CUX2: variants seen among roughly 807,000 people sequenced by gnomAD.
CUX2 encodes cut like homeobox 2.
Under a neutral mutation model 144.8 loss-of-function variants are expected in CUX2, and 40 were observed. The ratio of observed to expected loss-of-function variants is 0.28; its 90% confidence interval spans 0.21 to 0.36. The LOEUF (loss-of-function observed/expected upper bound fraction) is 0.36, where lower values mean the gene tolerates loss of function less well. Among genes scored for constraint, CUX2 ranks in the 10% least tolerant of loss-of-function variants. CUX2 has a pLI of 1.00. For missense variants in CUX2, 1,615 were observed against 1,994.0 expected (o/e 0.81, Z 3.62); for synonymous variants, 827 against 875.6 (o/e 0.94, Z 0.98).
chr12:111,348,324 G>GA lies in CUX2; in HGVS notation c.*1dup. 1.2e-6 allele frequency: 2 copies of GA among 1,607,970 alleles called. No individual in the cohort carries two copies. The highest frequency in any genetic ancestry group is 1.7e-6 in the Non-Finnish European group (2 of 1,176,488). The part of the protein sequence containing the change: ...NREEALEWEF[*] ...GAGGAGGCCCTGGAGTGGGAGTTCT[G>GA]AAGGCAGGGTGAGGGGGCAAGGGAC... Residue 1487 remains the stop codon, a frameshift_variant and stop_retained_variant, in exon 22 of 22, where the codon TGA becomes TGAA. Transcript: ENST00000261726. LOFTEE classifies it high-confidence loss of function.
intron 9 of CUX2, among the ~76,000 whole-genome samples, chr12:111,300,951 T>A (rs1223824261): frequency 6.6e-6 from 1 of 150,438 alleles, no homozygotes; most frequent in Non-Finnish European, 1.5e-5. Flanking sequence ...GGTGGGACGA[T>A]CACCTGAGTC....
At chr12:111,180,530 G>C (rs866965531) in intron 1 of CUX2, among the ~76,000 whole-genome samples, 1 of 152,188 alleles carries the variant, frequency 6.6e-6, no homozygotes, top group Non-Finnish European at 1.5e-5. Context: ...CTTTGGATTC[G>C]TGTCAACATA....
chr12:111,211,945 A>G (rs1881258710), intron 1 of CUX2, among the ~76,000 whole-genome samples: 2 of 152,014 alleles, frequency 1.3e-5, no homozygotes, highest in South Asian at 4.1e-4. Context: ...CTGTAAACCC[A>G]TGTCCCAGTT....
At chr12:111,086,799 G>A (rs1275740447) in intron 1 of CUX2, among the ~76,000 whole-genome samples, 3 of 152,160 alleles carry the variant, frequency 2.0e-5, no homozygotes, top group Non-Finnish European at 4.4e-5. Flanking sequence ...GGGTGCAGTG[G>A]TGCATTCCTG....
At chr12:111,201,389 A>G (rs544493518) in intron 1 of CUX2, among the ~76,000 whole-genome samples, 1 of 151,612 alleles carries the variant, frequency 6.6e-6, no homozygotes, top group East Asian at 1.9e-4. Context: ...CAACTTCCCA[A>G]CCTAATCCCC....
intron 4 of CUX2, among the ~76,000 whole-genome samples, chr12:111,268,651 A>G (rs1302064537): frequency 1.3e-5 from 2 of 152,254 alleles, no homozygotes; most frequent in Admixed American, 6.5e-5. Context: ...GAGACAGCCC[A>G]TGTGTCTGCA....
At chr12:111,091,330 C>T (rs74564298) in intron 1 of CUX2, among the ~76,000 whole-genome samples, 3,699 of 152,278 alleles carry the variant, frequency 0.024, 155 homozygotes, top group African/African-American at 0.083. Context: ...GTGTATTTCC[C>T]GACTCAGCCG....
In CUX2 at chr12:111,186,011, A is replaced by C. The variant is rs1879505990; in HGVS notation, c.64-28189A>C. Among the ~76,000 whole-genome samples the C allele has an allele frequency of 2.1e-5, 3 of 142,310 alleles. No homozygotes were observed. Among genetic ancestry groups the C allele is most frequent in the Non-Finnish European group, 3.1e-5 (2 of 65,542 alleles). The allele number at this position is 142,310 out of a possible 152,430, so 93.4% of individuals were successfully genotyped here. A position where few individuals can be genotyped will look rare whatever the true frequency, so the allele number is the denominator to read the frequency against. On this transcript the variant is annotated intron_variant, in intron 1 of 21. Transcript: ENST00000261726. This position sits in a 1 kb window ranked among gnomAD's most constrained non-coding sequence, Gnocchi z 4.4. ...TCTCTGTCTTTCACTCTGTCTTCAG[A>C]CTCTGTTTTCTGGTCCTCTCTCTTT... is the stretch of plus-strand genomic sequence containing the variant.
chr12:111,224,825 T>C (rs1050905351), intron 3 of CUX2, among the ~76,000 whole-genome samples: 9 of 152,258 alleles, frequency 5.9e-5, no homozygotes, highest in Admixed American at 5.9e-4. Context: ...CAGGCTTACA[T>C]TTTAGATCGT....
chr12:111,296,954 A>T (rs1430715261), intron 8 of CUX2, among the ~76,000 whole-genome samples: 3 of 136,046 alleles, frequency 2.2e-5, no homozygotes, highest in Non-Finnish European at 4.7e-5. Context: ...CGTCCCAGAG[A>T]GGCCTCCTCC....
chr12:111,106,913 G>C (rs1873643045), intron 1 of CUX2, among the ~76,000 whole-genome samples: 1 of 152,222 alleles, frequency 6.6e-6, no homozygotes, highest in East Asian at 1.9e-4. Flanking sequence ...TGTAGTGGAA[G>C]AGAAGTGTTG....
chr12:111,042,607 C>T (rs1869804050), intron 1 of CUX2, among the ~76,000 whole-genome samples: 1 of 152,118 alleles, frequency 6.6e-6, no homozygotes. Context: ...GTAGTAGCCA[C>T]CTCCTTAAGA....
intron 4 of CUX2, among the ~76,000 whole-genome samples, chr12:111,286,363 C>T (rs1310986049): frequency 6.6e-6 from 1 of 152,204 alleles, no homozygotes; most frequent in African/African-American, 2.4e-5. Flanking sequence ...TTAGCTTGGC[C>T]AGTTGCAGTA....
intron 8 of CUX2, 72 bp from the exon 9 acceptor site, chr12:111,298,467 TGG>T: frequency 6.7e-7 from 1 of 1,481,754 alleles, no homozygotes; most frequent in Non-Finnish European, 9.2e-7. Flanking sequence ...AGGCAGGGGC[TGG>T]GGGTGTCAGG....
intron 3 of CUX2, among the ~76,000 whole-genome samples, chr12:111,254,004 G>C (rs73414590): frequency 0.063 from 9,522 of 152,086 alleles, 1,020 homozygotes; most frequent in African/African-American, 0.22. Flanking sequence ...TACTGGGATT[G>C]CAGGTGTGAG....
chr12:111,314,875 A>G (rs1315219609), intron 16 of CUX2, among the ~76,000 whole-genome samples: 1 of 152,038 alleles, frequency 6.6e-6, no homozygotes, highest in African/African-American at 2.4e-5. Flanking sequence ...ATAACTAGCC[A>G]AAGTCTCCCA....
At chr12:111,342,501 AG>A (rs1206837844) in intron 21 of CUX2, among the ~76,000 whole-genome samples, 1 of 151,860 alleles carries the variant, frequency 6.6e-6, no homozygotes, top group Non-Finnish European at 1.5e-5. Context: ...TTTAAAACAC[AG>A]GCAAATGTGG....
intron 1 of CUX2, among the ~76,000 whole-genome samples, chr12:111,176,139 A>C (rs1592805041): frequency 7.1e-6 from 1 of 140,752 alleles, no homozygotes; most frequent in Admixed American, 7.1e-5. Flanking sequence ...GCATCCTCAA[A>C]CTCCTGGGCT....
chr12:111,155,837 T>C (rs1046395821), intron 1 of CUX2, among the ~76,000 whole-genome samples: 3 of 152,114 alleles, frequency 2.0e-5, no homozygotes, highest in African/African-American at 7.2e-5. Flanking sequence ...TCTAATATGA[T>C]ATAAAAGTAT....
Sources: allele counts gnomAD v4.1 joint callset (sites outside exome capture counted in the v4.1 genomes callset), GRCh38; gene constraint gnomAD v4.1.1; non-coding constraint Gnocchi (gnomAD v3.1); transcripts MANE v1.5; gene names NCBI Gene and HGNC (gene_info 2026-07-23, HGNC 2026-07-21).